Variants in MRAP2 observed in about 807,000 individuals in gnomAD.
MRAP2 encodes the protein melanocortin-2 receptor accessory protein 2.
Under a neutral mutation model 17.4 loss-of-function variants are expected in MRAP2, and 20 were observed. The observed-to-expected ratio is 1.15, with a 90% CI of 0.81 to 1.67. MRAP2 has a LOEUF of 1.67. Ranked by LOEUF, MRAP2 falls within the 40% of genes most tolerant of loss-of-function variation. The pLI is 0.00. For synonymous variants in MRAP2, 96 were observed against 88.4 expected (o/e 1.09, Z -0.48); for missense variants, 238 against 240.0 (o/e 0.99, Z 0.05).
At chr6:84,061,518 T>C (rs986110221) in intron 2 of MRAP2, among the ~76,000 whole-genome samples, 1 of 152,206 alleles carries the variant, frequency 6.6e-6, no homozygotes, top group Non-Finnish European at 1.5e-5. Context: ...AAAAATGTTA[T>C]TGGGTTCAAA....
At chr6:84,098,819 T>C in the MRAP2 span, among the ~76,000 whole-genome samples, 1 of 152,186 alleles carries the variant, frequency 6.6e-6, no homozygotes, top group African/African-American at 2.4e-5. Flanking sequence ...TATTGTTGTT[T>C]TGAGAGTTCT....
the MRAP2 span, among the ~76,000 whole-genome samples, chr6:84,143,990 A>G: frequency 6.6e-6 from 1 of 151,940 alleles, no homozygotes; most frequent in East Asian, 1.9e-4. Flanking sequence ...ATCTTTTAAT[A>G]ATCACTTTGG....
intron 3 of MRAP2, among the ~76,000 whole-genome samples, chr6:84,079,632 A>G (rs1196667567): frequency 1.3e-5 from 2 of 152,242 alleles, no homozygotes; most frequent in African/African-American, 4.8e-5. Context: ...GTCAACCCAA[A>G]TTAACAAACA....
At chr6:84,055,624 A>T (rs1177225373) in intron 2 of MRAP2, among the ~76,000 whole-genome samples, 179 bp downstream of exon 2, 1 of 152,210 alleles carries the variant, frequency 6.6e-6, no homozygotes. Flanking sequence ...GGAATGGTAC[A>T]GGAGGGCCTT....
At chr6:84,133,947 C>A in the MRAP2 span, among the ~76,000 whole-genome samples, 7 of 152,186 alleles carry the variant, frequency 4.6e-5, no homozygotes, top group Non-Finnish European at 2.9e-5. Context: ...GTCGCTCATG[C>A]TAGGAGCTGT....
downstream of MRAP2, among the ~76,000 whole-genome samples, chr6:84,092,099 GT>G (rs1034087727): frequency 1.3e-5 from 2 of 149,936 alleles, no homozygotes; most frequent in Non-Finnish European, 3.0e-5. Flanking sequence ...CTCCCACTCT[GT>G]GGCTCCTCTT....
At chr6:84,044,642 T>C (rs1488783241) in intron 1 of MRAP2, among the ~76,000 whole-genome samples, 1 of 152,248 alleles carries the variant, frequency 6.6e-6, no homozygotes, top group Non-Finnish European at 1.5e-5. Flanking sequence ...CCTTTCTCTC[T>C]GTGTCCTAAT....
chr6:84,111,963 C>T, the MRAP2 span, among the ~76,000 whole-genome samples: 3 of 152,292 alleles, frequency 2.0e-5, no homozygotes, highest in Admixed American at 1.3e-4. Context: ...CCAACTTGAT[C>T]ATTGTGGATA....
At chr6:84,053,216 C>T (rs974206392) in intron 1 of MRAP2, among the ~76,000 whole-genome samples, 2 of 152,120 alleles carry the variant, frequency 1.3e-5, no homozygotes, top group Admixed American at 6.6e-5. Flanking sequence ...AAGTACTTTT[C>T]CCTATTTTTC....
At chr6:84,074,167 C>T (rs1357200871) in intron 3 of MRAP2, among the ~76,000 whole-genome samples, 1 of 151,984 alleles carries the variant, frequency 6.6e-6, no homozygotes, top group Admixed American at 6.6e-5. Flanking sequence ...AGACCCTAAG[C>T]GTTATATCTA....
the MRAP2 span, among the ~76,000 whole-genome samples, chr6:84,103,266 C>T: frequency 6.6e-6 from 1 of 151,988 alleles, no homozygotes; most frequent in African/African-American, 2.4e-5. Context: ...GGTATTTGTG[C>T]CATGATGGTA....
rs150617410 is a variant in MRAP2 at position 84,087,224 on chromosome 6, A to G, written c.228-1867A>G. 7.8e-3 allele frequency among the ~76,000 whole-genome samples: 1,188 copies of G among 152,324 alleles called. 14 individuals carry two copies. Among genetic ancestry groups the G allele is most frequent in the African/African-American group, 0.027 (1,129 of 41,552 alleles). ...ACATCGATCAACATATGTAAGATGA[A>G]CATTGGTTCAGTCTGGAAAGGCGGG... is the stretch of plus-strand genomic sequence containing the variant. On this transcript the variant is annotated intron_variant, in intron 3 of 3. Transcript: ENST00000257776.
the MRAP2 span, among the ~76,000 whole-genome samples, chr6:84,132,274 A>AT: frequency 6.6e-6 from 1 of 151,828 alleles, no homozygotes; most frequent in Non-Finnish European, 1.5e-5. Context: ...TGCCTTTAAC[A>AT]TTTTTTTCCT....
the MRAP2 span, among the ~76,000 whole-genome samples, chr6:84,117,651 CTGTGTGTGTGTGTGTG>C: frequency 1.9e-5 from 2 of 105,136 alleles, no homozygotes; most frequent in East Asian, 2.1e-4. Context: ...GGGTGTGTGT[CTGTGTGTGTGTGTGTG>C]TGTGTGTGTG....
chr6:84,065,939 T>C (rs2099494571), intron 3 of MRAP2, among the ~76,000 whole-genome samples: 1 of 152,120 alleles, frequency 6.6e-6, no homozygotes, highest in African/African-American at 2.4e-5. Context: ...ACTCTACATA[T>C]TTGGGACTTG....
chr6:84,120,263 G>C, the MRAP2 span, among the ~76,000 whole-genome samples: 1 of 152,156 alleles, frequency 6.6e-6, no homozygotes, highest in South Asian at 2.1e-4. Context: ...TGTGAGGATG[G>C]ATCTTCCTTA....
intron 1 of MRAP2, among the ~76,000 whole-genome samples, chr6:84,054,111 A>C (rs1027103461): frequency 3.9e-5 from 6 of 152,208 alleles, no homozygotes; most frequent in East Asian, 1.9e-4. Flanking sequence ...GCTCAAGATG[A>C]CTGGTGACTG....
chr6:84,066,467 G>A (rs143315772), intron 3 of MRAP2, among the ~76,000 whole-genome samples: 25 of 152,274 alleles, frequency 1.6e-4, no homozygotes, highest in Admixed American at 2.0e-4. Flanking sequence ...ACATTTGTTT[G>A]GCAGGAGTTT....
At chr6:84,136,507 G>A in the MRAP2 span, among the ~76,000 whole-genome samples, 1 of 152,148 alleles carries the variant, frequency 6.6e-6, no homozygotes, top group Non-Finnish European at 1.5e-5. Flanking sequence ...AGTTTTGGCA[G>A]GGATATTCAA....
Sources: gnomAD v4.1 joint callset for allele counts (sites outside exome capture counted in the v4.1 genomes callset) on GRCh38, gnomAD v4.1.1 for gene constraint, MANE v1.5 for transcripts, NCBI Gene and HGNC (gene_info 2026-07-23, HGNC 2026-07-21) for gene names.